The following TGFBR3 variants were observed in gnomAD, a reference collection of about 807,000 sequenced individuals.
TGFBR3 encodes the protein transforming growth factor beta receptor type 3.
A neutral mutation model predicts 87.9 loss-of-function variants in TGFBR3; 46 were observed. The observed-to-expected ratio is 0.52, with a 90% confidence interval of 0.41 to 0.67. The LOEUF is 0.67. TGFBR3 is among the 30% of genes least tolerant of loss of function. The pLI is 0.00. For synonymous variants in TGFBR3, 381 were observed against 391.6 expected, an observed-to-expected ratio of 0.97 and a Z score of 0.32; for missense variants, 866 against 1,041.9, an observed-to-expected ratio of 0.83 and a Z score of 2.32.
At chr1:91,884,976 C>T (rs966661768) in intron 1 of TGFBR3, among the ~76,000 whole-genome samples, 3 of 152,256 alleles carry the variant, frequency 2.0e-5, no homozygotes, top group Non-Finnish European at 4.4e-5. Context: ...ATCCTGCCAC[C>T]GCAGGGCTAG....
intron 6 of TGFBR3, among the ~76,000 whole-genome samples, chr1:91,728,922 C>A (rs967060330): frequency 6.6e-6 from 1 of 151,928 alleles, no homozygotes; most frequent in Non-Finnish European, 1.5e-5. Context: ...TAGGGAGGGT[C>A]GAATTTCCAA....
In TGFBR3 at chr1:91,758,756, A is replaced by C; in HGVS notation, c.247-6T>G. 3 of 1,613,858 alleles carry C rather than the reference A, an allele frequency of 1.9e-6. No homozygotes were observed. Among genetic ancestry groups the C allele is most frequent in the South Asian group, 2.2e-5 (2 of 91,056 alleles). The stretch of plus-strand genomic sequence containing the variant: ...GGATTCAGGTGAAGTGTGACCTAGG[A>C]AGCAACAGAAAGAGGGCAGAAATCT... On this transcript the variant is annotated splice_polypyrimidine_tract_variant and splice_region_variant and intron_variant, in intron 3 of 16. Transcript: ENST00000212355.
intron 2 of TGFBR3, among the ~76,000 whole-genome samples, chr1:91,848,095 C>CAT (rs1156867661): frequency 6.6e-6 from 1 of 152,178 alleles, no homozygotes; most frequent in Non-Finnish European, 1.5e-5. Flanking sequence ...CTCTCCAGCA[C>CAT]ATGGATCCCT....
At chr1:91,900,695 A>G (rs927442354) in intron 1 of TGFBR3, among the ~76,000 whole-genome samples, 1 of 152,236 alleles carries the variant, frequency 6.6e-6, no homozygotes, top group Non-Finnish European at 1.5e-5. Context: ...ACAGTCTTGC[A>G]TAATCCACAA....
intron 14 of TGFBR3, among the ~76,000 whole-genome samples, chr1:91,700,004 C>T (rs1230523943): frequency 6.6e-6 from 1 of 152,114 alleles, no homozygotes; most frequent in South Asian, 2.1e-4. Flanking sequence ...TATTTCATGA[C>T]GTGAAAATTA....
At chr1:91,684,253 T>G (rs992495458) in intron 16 of TGFBR3, among the ~76,000 whole-genome samples, 1 of 151,902 alleles carries the variant, frequency 6.6e-6, no homozygotes, top group Non-Finnish European at 1.5e-5. Flanking sequence ...ATAAAGACAC[T>G]GTAGGATTTG....
chr1:91,902,742 A>G (rs909403871), intron 1 of TGFBR3, among the ~76,000 whole-genome samples: 10 of 152,018 alleles, frequency 6.6e-5, no homozygotes, highest in Admixed American at 2.0e-4. Context: ...CAGGATGCTA[A>G]TTCAGCACCC....
Position 91,856,125 on chromosome 1 carries a change from C to T in TGFBR3, c.61+5346G>A, listed in dbSNP as rs55806614. ...TCGCCCAGGCTGGAGTGCAGTGGCG[C>T]GATCTCAGCTCACTGCAAGCTCCGC... On this transcript the variant is annotated intron_variant, in intron 2 of 16. Coordinates refer to ENST00000212355, the MANE Select transcript of TGFBR3 (RefSeq NM_003243.5). Among the ~76,000 whole-genome samples the T allele has an allele frequency of 6.9e-3, 1,052 of 152,108 alleles. 5 individuals carry two copies. The highest frequency in any genetic ancestry group is 7.2e-3 in the Non-Finnish European group (488 of 67,968).
At chr1:91,894,857 G>A (rs1289042528) in intron 2 of TGFBR3, among the ~76,000 whole-genome samples, 2 of 152,172 alleles carry the variant, frequency 1.3e-5, no homozygotes, top group Non-Finnish European at 2.9e-5. Context: ...TGCAACTTCC[G>A]CCTCCTGGGT....
chr1:91,748,303 A>G (rs1673416628), intron 4 of TGFBR3, among the ~76,000 whole-genome samples: 1 of 152,174 alleles, frequency 6.6e-6, no homozygotes, highest in Admixed American at 6.5e-5. Context: ...AGAAGGTTGA[A>G]CTGCACATAT....
In TGFBR3 at chr1:91,681,333, A is replaced by G. The variant is rs17571088; in HGVS notation, c.*2406T>C. ...ATGAGATTAGGTTTTATCGACACAG[A>G]TTTCTTGATCTGAATAATAATTCTG... On this transcript the variant is annotated 3_prime_UTR_variant, in exon 17 of 17. Coordinates refer to ENST00000212355, the MANE Select transcript of TGFBR3 (RefSeq NM_003243.5). 0.15 allele frequency: 67,223 copies of G among 444,626 alleles called. 5,526 individuals carry two copies. Among genetic ancestry groups the G allele is most frequent in the Non-Finnish European group, 0.18 (40,703 of 224,252 alleles). The allele number at this position is 444,626 out of a possible 1,614,324, so 27.5% of individuals were successfully genotyped here.
intron 3 of TGFBR3, among the ~76,000 whole-genome samples, chr1:91,780,551 C>CTTTTTTTTTTT (rs60294904): frequency 7.8e-5 from 6 of 77,168 alleles, no homozygotes; most frequent in Admixed American, 1.8e-4. Flanking sequence ...GGGTCTAAGG[C>CTTTTTTTTTTT]TTTTTTTTTT....
At chr1:91,796,492 T>C (rs555506038) in intron 3 of TGFBR3, among the ~76,000 whole-genome samples, 2 of 152,276 alleles carry the variant, frequency 1.3e-5, no homozygotes, top group African/African-American at 4.8e-5. Flanking sequence ...GCTGCCTAGA[T>C]AGTGATAAGG....
At chr1:91,713,098 G>T (rs1672040975) in intron 12 of TGFBR3, among the ~76,000 whole-genome samples, 1 of 152,194 alleles carries the variant, frequency 6.6e-6, no homozygotes, top group Non-Finnish European at 1.5e-5. Flanking sequence ...TCCGGCGCTG[G>T]GTGTCAGTGA....
intron 2 of TGFBR3, among the ~76,000 whole-genome samples, chr1:91,855,886 A>C (rs1677921747): frequency 6.6e-6 from 1 of 151,874 alleles, no homozygotes; most frequent in East Asian, 1.9e-4. Flanking sequence ...AACCCCAATA[A>C]ATCTCTTGTA....
At position 91,716,287 on chromosome 1, in the gene TGFBR3, C is replaced by A. The variant is rs1672168339; in HGVS notation, c.1815G>T (p.Val605=). Residue 605 remains valine (V), a synonymous_variant, in exon 12 of 17, where the codon GTG becomes GTT. Transcript: ENST00000212355. ...GCACAGAGAAGACGCCCTGGGAGGGCACCAAAAAGAGGTCAGTGTTGTATA... is the reference window on the plus strand; with the variant it reads ...GCACAGAGAAGACGCCCTGGGAGGGAACCAAAAAGAGGTCAGTGTTGTATA... ...MELYNTDLFL[V]PSQGVFSVPE... 1.9e-6 allele frequency: 3 copies of A among 1,613,976 alleles called. No individual in the cohort carries two copies. The highest frequency in any genetic ancestry group is 1.3e-5 in the African/African-American group (1 of 74,912).
chr1:91,680,499 AG>A lies in TGFBR3; in HGVS notation c.*3239del, dbSNP rs1414260679. 2.2e-6 allele frequency: 1 copy of A among 454,148 alleles called. No individual in the cohort carries two copies. Among genetic ancestry groups the A allele is most frequent in the Non-Finnish European group, 4.4e-6 (1 of 226,796 alleles). The allele number at this position is 454,148 out of a possible 1,614,324, so 28.1% of individuals were successfully genotyped here. A position where few individuals can be genotyped will look rare whatever the true frequency, so the allele number is the denominator to read the frequency against. ...GTTCAAACTGGCCACAGGGATTTTA[AG>A]GGTACTCGTTTTACCCTCATAGATG... On this transcript the variant is annotated 3_prime_UTR_variant, in exon 17 of 17. Coordinates refer to ENST00000212355, the MANE Select transcript of TGFBR3 (RefSeq NM_003243.5).
At chr1:91,784,292 C>T (rs189086476) in intron 3 of TGFBR3, among the ~76,000 whole-genome samples, 26 of 152,190 alleles carry the variant, frequency 1.7e-4, no homozygotes, top group Admixed American at 1.5e-3. Flanking sequence ...TAATAGAATG[C>T]AAAGCAAATA....
chr1:91,699,253 C>T (rs1480663738), intron 14 of TGFBR3, among the ~76,000 whole-genome samples: 1 of 152,048 alleles, frequency 6.6e-6, no homozygotes, highest in Non-Finnish European at 1.5e-5. Flanking sequence ...CCAAGACACC[C>T]TCCTCCCCAG....
Sources: gnomAD v4.1 joint callset for allele counts (sites outside exome capture counted in the v4.1 genomes callset) on GRCh38, gnomAD v4.1.1 for gene constraint, MANE v1.5 for transcripts, NCBI Gene and HGNC (gene_info 2026-07-23, HGNC 2026-07-21) for gene names.